RAB14: variants seen among roughly 807,000 people sequenced by gnomAD.
RAB14 encodes RAB14, member RAS oncogene family.
In RAB14, 3 loss-of-function variants were observed where a neutral mutation model predicts 31.1. That is an observed-to-expected ratio of 0.10 (90% CI 0.04 to 0.25). The LOEUF is 0.25. Among genes scored for constraint, RAB14 ranks in the 10% least tolerant of loss-of-function variants. The probability of loss-of-function intolerance (pLI) is 1.00; values close to 1 mark genes in which losing one functional copy is unlikely to be tolerated. For missense variants in RAB14, 111 were observed against 260.1 expected, an observed-to-expected ratio of 0.43 and a Z score of 3.94; for synonymous variants, 85 against 84.9, an observed-to-expected ratio of 1.00 and a Z score of 0.00.
chr9:121,190,607 T>C lies in RAB14; in HGVS notation c.231A>G (p.Thr77=). 6.2e-7 allele frequency: 1 copy of C among 1,613,362 alleles called. No individual in the cohort carries two copies. Among genetic ancestry groups the C allele is most frequent in the Non-Finnish European group, 8.5e-7 (1 of 1,179,572 alleles). Residue 77 remains threonine (T), a synonymous_variant, in exon 4 of 8, where the codon ACA becomes ACG. Transcript: ENST00000373840. ...TAGQERFRAV[T]RSYYRGAAGA... is the part of the protein sequence containing the mutation. ...CCGCAGCTCCTCTGTAGTAGCTCCG[T>C]GTAACAGCCCTAAATCGCTCCTGTC...
At chr9:121,184,205 A>C (rs1200897626) in intron 5 of RAB14, among the ~76,000 whole-genome samples, 1 of 152,126 alleles carries the variant, frequency 6.6e-6, no homozygotes, top group African/African-American at 2.4e-5. Flanking sequence ...AACTGATAAG[A>C]GATGTCTATG....
intron 1 of RAB14, among the ~76,000 whole-genome samples, chr9:121,201,110 G>A (rs571543440): frequency 4.5e-4 from 68 of 152,060 alleles, no homozygotes; most frequent in Non-Finnish European, 5.9e-4. Context: ...ACATCGACAA[G>A]GACACCGGAG....
Position 121,199,983 on chromosome 9 carries a change from T to C in RAB14, c.-8+1656A>G, listed in dbSNP as rs117654293. On this transcript the variant is annotated intron_variant, in intron 1 of 7. Coordinates refer to ENST00000373840, the MANE Select transcript of RAB14 (RefSeq NM_016322.4). ...CACTGTTACAGGCACTGATTTACTA[T>C]ATGCCAAGCAATGTGCTAAGGGCTT... is the stretch of plus-strand genomic sequence containing the variant. 7.9e-5 allele frequency among the ~76,000 whole-genome samples: 12 copies of C among 152,340 alleles called. No individual in the cohort carries two copies. The East Asian group carries it at 2.3e-3, about 29-fold the overall frequency.
intron 7 of RAB14, among the ~76,000 whole-genome samples, chr9:121,181,958 G>A (rs1324290614): frequency 6.6e-6 from 1 of 151,892 alleles, no homozygotes; most frequent in Non-Finnish European, 1.5e-5. Context: ...ATGTTGGCCA[G>A]GGTGGTCTCG....
In RAB14 at chr9:121,186,993, C is replaced by G; in HGVS notation, c.311G>C (p.Ser104Thr). ...GAGATTCCTTGCATCTGTCAACCAG[C>G]TGCTTAAGTGGTTATATGTACTTCT... is the stretch of plus-strand genomic sequence containing the variant. ...TRRSTYNHLS[S>T]WLTDARNLTN... Residue 104 changes from serine (S) to threonine (T), a missense_variant, in exon 5 of 8, where the codon AGC becomes ACC. Coordinates refer to ENST00000373840, the MANE Select transcript of RAB14 (RefSeq NM_016322.4). 6.4e-7 allele frequency: 1 copy of G among 1,569,012 alleles called. No homozygotes were observed. Among genetic ancestry groups the G allele is most frequent in the Non-Finnish European group, 8.6e-7 (1 of 1,157,972 alleles).
chr9:121,197,130 G>C (rs954444757), intron 1 of RAB14, among the ~76,000 whole-genome samples: 1 of 152,174 alleles, frequency 6.6e-6, no homozygotes, highest in Non-Finnish European at 1.5e-5. Flanking sequence ...ATCAGAGAAA[G>C]AGGAAGGATA....
At chr9:121,196,916 A>G (rs2053720612) in intron 1 of RAB14, among the ~76,000 whole-genome samples, 1 of 152,104 alleles carries the variant, frequency 6.6e-6, no homozygotes, top group African/African-American at 2.4e-5. Context: ...AATTCTCACA[A>G]CTCTGCAGAG....
chr9:121,187,650 A>T (rs180901183), intron 4 of RAB14, among the ~76,000 whole-genome samples: 100 of 152,174 alleles, frequency 6.6e-4, no homozygotes, highest in South Asian at 2.1e-4. Context: ...AGGCAGCTAA[A>T]TTATTCTGGA....
chr9:121,196,356 A>C (rs1319418507), intron 1 of RAB14, among the ~76,000 whole-genome samples: 2 of 152,208 alleles, frequency 1.3e-5, no homozygotes, highest in African/African-American at 4.8e-5. Flanking sequence ...ACAGGCATTT[A>C]ACACATAATC....
intron 1 of RAB14, among the ~76,000 whole-genome samples, chr9:121,195,412 G>C (rs2053709754): frequency 6.6e-6 from 1 of 151,808 alleles, no homozygotes; most frequent in African/African-American, 2.4e-5. Flanking sequence ...TACATACTTT[G>C]CTCCTTCTAT....
At position 121,178,463 on chromosome 9, in the gene RAB14, A is replaced by G. The variant is rs2053610495; in HGVS notation, c.*2933T>C. The G allele has an allele frequency of 6.6e-6, 1 of 152,216 alleles. No homozygotes were observed. The highest frequency in any genetic ancestry group is 1.5e-5 in the Non-Finnish European group (1 of 67,786). The allele number at this position is 152,216 out of a possible 1,614,324, so 9.4% of individuals were successfully genotyped here. A position where few individuals can be genotyped will look rare whatever the true frequency, so the allele number is the denominator to read the frequency against. ...ACCCTCTCTATATTCCCACATGAAG[A>G]GGAATGGAAGGTAATTATTTGGTCT... On this transcript the variant is annotated 3_prime_UTR_variant, in exon 8 of 8. Coordinates refer to ENST00000373840, the MANE Select transcript of RAB14 (RefSeq NM_016322.4).
At chr9:121,200,334 G>C (rs2053753832) in intron 1 of RAB14, among the ~76,000 whole-genome samples, 1 of 152,196 alleles carries the variant, frequency 6.6e-6, no homozygotes, top group Non-Finnish European at 1.5e-5. Context: ...AAAGGCAGTT[G>C]TTCCTCTACA....
intron 4 of RAB14, among the ~76,000 whole-genome samples, chr9:121,187,410 C>A (rs2053664234): frequency 6.6e-6 from 1 of 151,954 alleles, no homozygotes; most frequent in African/African-American, 2.4e-5. Context: ...TATCAAAATG[C>A]CTAAACATGA....
chr9:121,183,605 G>T (rs146150360), intron 5 of RAB14, among the ~76,000 whole-genome samples: 4 of 152,194 alleles, frequency 2.6e-5, no homozygotes, highest in Admixed American at 1.3e-4. Context: ...GTCAGGGGTT[G>T]ACAAACTTTC....
intron 2 of RAB14, 62 bp downstream of exon 2, chr9:121,193,272 CTGAAGTGGTACTGTTTAAGTATTAACA>C (rs2053696564): frequency 1.1e-6 from 1 of 870,102 alleles, no homozygotes; most frequent in Non-Finnish European, 1.8e-6. Context: ...TCACTCAGTC[CTGAAGTGGTACTGTTTAAGTATTAACA>C]TATAAATATT....
chr9:121,200,125 AG>A (rs1037818307), intron 1 of RAB14, among the ~76,000 whole-genome samples: 1 of 152,230 alleles, frequency 6.6e-6, no homozygotes, highest in Non-Finnish European at 1.5e-5. Flanking sequence ...TCACTTAACT[AG>A]GAAGTGGCAG....
intron 7 of RAB14, among the ~76,000 whole-genome samples, 169 bp downstream of exon 7, chr9:121,182,761 A>C (rs2053639966): frequency 6.6e-6 from 1 of 152,240 alleles, no homozygotes; most frequent in South Asian, 2.1e-4. Context: ...ATTATTTTGA[A>C]ATGTAAAAAA....
At chr9:121,184,938 A>C (rs916446601) in intron 5 of RAB14, among the ~76,000 whole-genome samples, 1 of 152,222 alleles carries the variant, frequency 6.6e-6, no homozygotes, top group African/African-American at 2.4e-5. Flanking sequence ...TTCCCTATGA[A>C]TCTCCAAATA....
intron 1 of RAB14, among the ~76,000 whole-genome samples, chr9:121,196,089 G>A: frequency 6.6e-6 from 1 of 151,740 alleles, no homozygotes; most frequent in East Asian, 1.9e-4. Flanking sequence ...GCTTTACTTA[G>A]AGAACTCTTG....
Sources: gnomAD v4.1 joint callset for allele counts (sites outside exome capture counted in the v4.1 genomes callset) on GRCh38, gnomAD v4.1.1 for gene constraint, MANE v1.5 for transcripts, NCBI Gene and HGNC (gene_info 2026-07-23, HGNC 2026-07-21) for gene names.